Variants in KDM4B observed in about 807,000 individuals in gnomAD.
KDM4B encodes the protein lysine demethylase 4B, also known as lysine-specific demethylase 4B.
In KDM4B, 32 loss-of-function variants were observed where a neutral mutation model predicts 125.2. The observed-to-expected ratio is 0.26, with a 90% confidence interval of 0.19 to 0.34. The LOEUF is 0.34. Among genes scored for constraint, KDM4B ranks in the 10% least tolerant of loss-of-function variants. The pLI, the probability that KDM4B is intolerant of heterozygous loss-of-function variation, is 1.00. For missense variants in KDM4B, 1,190 were observed against 1,577.7 expected, an observed-to-expected ratio of 0.75 and a Z score of 4.16; for synonymous variants, 721 against 677.9, an observed-to-expected ratio of 1.06 and a Z score of -0.99.
intron 1 of KDM4B, among the ~76,000 whole-genome samples, chr19:4,969,729 G>A (rs1181888531): frequency 1.3e-5 from 2 of 151,984 alleles, no homozygotes; most frequent in African/African-American, 4.8e-5. Flanking sequence ...GGGCTAAGGG[G>A]AAGCCCCCCA....
chr19:5,144,731 G>A, intron 20 of KDM4B, 52 bp from the exon 21 acceptor site: 1 of 1,606,924 alleles, frequency 6.2e-7, no homozygotes, highest in South Asian at 1.1e-5. Flanking sequence ...CCCAGCGACA[G>A]CCCCCAGCGT....
chr19:5,055,388 G>A (rs941396811), intron 6 of KDM4B, among the ~76,000 whole-genome samples: 4 of 152,226 alleles, frequency 2.6e-5, no homozygotes, highest in African/African-American at 9.6e-5. Flanking sequence ...TTTTCATATC[G>A]CCTTTTGCTG....
At chr19:5,000,729 T>C (rs1004836667) in intron 1 of KDM4B, among the ~76,000 whole-genome samples, 3 of 152,236 alleles carry the variant, frequency 2.0e-5, no homozygotes, top group East Asian at 3.8e-4. Context: ...TATTGTTTGC[T>C]TGAAATAAGG....
rs985014222 is a variant in KDM4B at position 5,145,012 on chromosome 19, C to T, written c.3021+110C>T. ...CAGGTGCCTTTGCCTGGGGCACTGG[C>T]GGGTGTGGGCCATGGTTAGTGAGGC... On this transcript the variant is annotated intron_variant, in intron 21 of 22. Coordinates refer to ENST00000159111, the MANE Select transcript of KDM4B (RefSeq NM_015015.3). 1.7e-5 allele frequency: 24 copies of T among 1,441,380 alleles called. No homozygotes were observed. The South Asian group carries it at 1.8e-4, about 11-fold the overall frequency. The allele number at this position is 1,441,380 out of a possible 1,614,324, so 89.3% of individuals were successfully genotyped here. A position where few individuals can be genotyped will look rare whatever the true frequency, so the allele number is the denominator to read the frequency against.
intron 1 of KDM4B, among the ~76,000 whole-genome samples, chr19:5,005,797 C>T (rs2035538639): frequency 6.6e-6 from 1 of 152,168 alleles, no homozygotes; most frequent in South Asian, 2.1e-4. Context: ...CCAGCGGCTG[C>T]CTCGCCACAC....
chr19:5,022,710 G>T (rs2036161967), intron 2 of KDM4B, among the ~76,000 whole-genome samples: 1 of 152,054 alleles, frequency 6.6e-6, no homozygotes. Flanking sequence ...AGGGGAGCTG[G>T]GTTGGGAGAG....
In KDM4B at chr19:5,135,455, C is replaced by T. The variant is rs374308457; in HGVS notation, c.2202C>T (p.Thr734=). 33 of 1,613,536 alleles carry T rather than the reference C, an allele frequency of 2.0e-5. 1 individual carries two copies. Among genetic ancestry groups the T allele is most frequent in the African/African-American group, 1.9e-4 (14 of 75,064 alleles). ...CGCTCATCCCTGAGATGTGCTTCACCTCTGGCGGTGAGAACACGGAGCCGC... is the reference window on the plus strand; with the variant it reads ...CGCTCATCCCTGAGATGTGCTTCACTTCTGGCGGTGAGAACACGGAGCCGC... ...TRPLIPEMCF[T]SGGENTEPLP... is the part of the protein sequence containing the mutation. The change falls in exon 15 of 23, where the codon ACC becomes ACT. Residue 734 remains threonine, a synonymous_variant. Transcript: ENST00000159111.
Position 5,081,704 on chromosome 19 carries a change from G to C in KDM4B, c.781-663G>C, listed in dbSNP as rs1334183484. On this transcript the variant is annotated intron_variant, in intron 8 of 22. Coordinates refer to ENST00000159111, the MANE Select transcript of KDM4B (RefSeq NM_015015.3). This position sits in a 1 kb window ranked among gnomAD's most constrained non-coding sequence, Gnocchi z 4.2. The stretch of plus-strand genomic sequence containing the variant: ...TGCCCCCGGTGTGCAGATATTTCTG[G>C]ATCTCCATGACTTCATGGAGATCCC... Among the ~76,000 whole-genome samples, 1 of 152,180 alleles carries C rather than the reference G, an allele frequency of 6.6e-6. No individual in the cohort carries two copies. Among genetic ancestry groups the C allele is most frequent in the Non-Finnish European group, 1.5e-5 (1 of 68,028 alleles).
intron 9 of KDM4B, among the ~76,000 whole-genome samples, chr19:5,100,038 G>A (rs1304464776): frequency 6.6e-6 from 1 of 152,270 alleles, no homozygotes; most frequent in Non-Finnish European, 1.5e-5. Context: ...GCACCCATCC[G>A]TGGTTCTCAT....
intron 6 of KDM4B, among the ~76,000 whole-genome samples, chr19:5,057,798 G>A (rs1599524120): frequency 2.0e-5 from 3 of 152,378 alleles, no homozygotes; most frequent in African/African-American, 7.2e-5. Flanking sequence ...AGGGTGGCCT[G>A]AACCCGAAGG....
At chr19:5,149,146 C>T (rs1269732583) in intron 21 of KDM4B, among the ~76,000 whole-genome samples, 1 of 152,240 alleles carries the variant, frequency 6.6e-6, no homozygotes, top group East Asian at 1.9e-4. Flanking sequence ...GGCTTGGCTG[C>T]CCCAAGGCAG....
intron 2 of KDM4B, among the ~76,000 whole-genome samples, chr19:5,021,488 G>T (rs981972196): frequency 6.6e-6 from 1 of 151,972 alleles, no homozygotes; most frequent in Admixed American, 6.6e-5. Context: ...CGGGAGGATG[G>T]CTTGAGCCCG....
chr19:5,004,899 G>A (rs904582311), intron 1 of KDM4B, among the ~76,000 whole-genome samples: 6 of 152,150 alleles, frequency 3.9e-5, no homozygotes, highest in Non-Finnish European at 8.8e-5. Flanking sequence ...AGGCTTTGGT[G>A]CCGGAACCAG....
intron 1 of KDM4B, among the ~76,000 whole-genome samples, chr19:4,989,325 CTTTGTTTTTT>C (rs895063885): frequency 3.9e-5 from 6 of 152,044 alleles, no homozygotes; most frequent in Non-Finnish European, 5.9e-5. Context: ...GTTTCTTTTT[CTTTGTTTTTT>C]TTTGTTTGTT....
In KDM4B at chr19:5,151,582, G is replaced by A; in HGVS notation, c.*71G>A. 2.4e-6 allele frequency: 3 copies of A among 1,237,368 alleles called. No homozygotes were observed. Among genetic ancestry groups the A allele is most frequent in the East Asian group, 3.2e-5 (1 of 31,644 alleles). 76.6% of individuals were successfully genotyped at this position (1,237,368 alleles called of 1,614,324 possible). ...GGCATGCCCCGGGCGTTCGCTTGCT[G>A]TGAATTCCTGTCCTCGTGTCCCCGA... On this transcript the variant is annotated 3_prime_UTR_variant, in exon 23 of 23. Transcript: ENST00000159111.
In KDM4B at chr19:5,144,001, T is replaced by C; in HGVS notation, c.2585T>C (p.Val862Ala). The change falls in exon 19 of 23, where the codon GTG becomes GCG. Residue 862 changes from valine to alanine, a missense_variant. By Grantham distance (64) the Val-to-Ala change is moderately conservative. Around this residue, in one of 7 missense-constraint regions of KDM4B, gnomAD observed 298 missense variants for 439.7 expected, o/e 0.68. Transcript: ENST00000159111. ...TACTGCCGGAAGCGGATGAAGAAGGTGTCAGGTGCCTGTATCCAGTGCTCC... is the reference window on the plus strand; with the variant it reads ...TACTGCCGGAAGCGGATGAAGAAGGCGTCAGGTGCCTGTATCCAGTGCTCC... The part of the protein sequence containing the change: ...CVYCRKRMKK[V>A]SGACIQCSYE... 1 of 1,588,734 alleles carries C rather than the reference T, an allele frequency of 6.3e-7. No individual in the cohort carries two copies. The highest frequency in any genetic ancestry group is 8.6e-7 in the Non-Finnish European group (1 of 1,159,620).
chr19:5,000,391 ATCTG>A (rs1009012063), intron 1 of KDM4B, among the ~76,000 whole-genome samples: 5 of 133,742 alleles, frequency 3.7e-5, no homozygotes, highest in Non-Finnish European at 5.9e-5. Flanking sequence ...CTATCCATCC[ATCTG>A]TCTGTCCATC....
chr19:5,036,299 A>G (rs2036624090), intron 3 of KDM4B, among the ~76,000 whole-genome samples: 1 of 152,242 alleles, frequency 6.6e-6, no homozygotes, highest in Admixed American at 6.5e-5. Flanking sequence ...TGCCCCCAGC[A>G]GAGATCTGCA....
chr19:5,005,516 C>T (rs1599396248), intron 1 of KDM4B, among the ~76,000 whole-genome samples: 1 of 152,266 alleles, frequency 6.6e-6, no homozygotes, highest in African/African-American at 2.4e-5. Flanking sequence ...GCCCCCTTTA[C>T]AGATGAGGAA....
Sources: gnomAD v4.1 joint callset for allele counts (sites outside exome capture counted in the v4.1 genomes callset) on GRCh38, gnomAD v4.1.1 for gene constraint, gnomAD v4.1.1 regional missense constraint, Gnocchi (gnomAD v3.1) non-coding constraint, MANE v1.5 for transcripts, NCBI Gene and HGNC (gene_info 2026-07-23, HGNC 2026-07-21) for gene names.